TGM2: variants seen among roughly 807,000 people sequenced by gnomAD.
TGM2 encodes protein-glutamine gamma-glutamyltransferase 2.
TGM2 carries 53 observed loss-of-function variants against 75.6 expected under a neutral mutation model. That is an observed-to-expected ratio of 0.70 (90% CI 0.56 to 0.88). The LOEUF (loss-of-function observed/expected upper bound fraction) is 0.88, where lower values mean the gene tolerates loss of function less well. TGM2 is among the 40% of genes least tolerant of loss of function. TGM2 has a pLI of 0.00. For missense variants in TGM2, 842 were observed against 928.5 expected (o/e 0.91, Z 1.21); for synonymous variants, 374 against 381.1 (o/e 0.98, Z 0.22).
chr20:38,143,109 T>C (rs2074996255), intron 6 of TGM2, among the ~76,000 whole-genome samples: 1 of 152,152 alleles, frequency 6.6e-6, no homozygotes, highest in African/African-American at 2.4e-5. Flanking sequence ...TCATTGACTA[T>C]TTTGTCAAAT....
chr20:38,135,666 G>A (rs575897306), intron 10 of TGM2, among the ~76,000 whole-genome samples: 3 of 152,204 alleles, frequency 2.0e-5, no homozygotes, highest in Admixed American at 1.3e-4. Context: ...GATGAGCAGC[G>A]AGGGCCGGGT....
At chr20:38,140,082 G>C (rs2074952430) in intron 8 of TGM2, among the ~76,000 whole-genome samples, 1 of 152,268 alleles carries the variant, frequency 6.6e-6, no homozygotes, top group Non-Finnish European at 1.5e-5. Context: ...CAACATGTTA[G>C]CAAGGAGGAC....
intron 10 of TGM2, among the ~76,000 whole-genome samples, chr20:38,137,574 A>C (rs983645095): frequency 6.6e-6 from 1 of 152,246 alleles, no homozygotes. Flanking sequence ...TAGGCGGTGC[A>C]GACTCAGCAC....
intron 11 of TGM2, among the ~76,000 whole-genome samples, 184 bp downstream of exon 11, chr20:38,132,156 C>A (rs1198733774): frequency 1.3e-5 from 2 of 152,098 alleles, no homozygotes; most frequent in Non-Finnish European, 2.9e-5. Flanking sequence ...CTAGAGGCTA[C>A]GAGTCCCCAA....
At chr20:38,152,557 G>A (rs1434268195) in intron 3 of TGM2, among the ~76,000 whole-genome samples, 1 of 152,200 alleles carries the variant, frequency 6.6e-6, no homozygotes, top group East Asian at 1.9e-4. Flanking sequence ...TGCCAAGACT[G>A]TGACATCCCC....
Position 38,142,066 on chromosome 20 carries a change from G to A in TGM2, c.993C>T (p.Ile331=), listed in dbSNP as rs1294515737. 1 of 1,614,086 alleles carries A rather than the reference G, an allele frequency of 6.2e-7. No homozygotes were observed. ...TCCCACCCTGGCCCCCACCTCACCA[G>A]ATCATCTCGCTCTTGTCACCCTGGA... ...GEIQGDKSEM[I]WNFHCWVESW... The change falls in exon 7 of 13, where the codon ATC becomes ATT. Residue 331 remains isoleucine, a splice_region_variant and synonymous_variant. Transcript: ENST00000361475.
chr20:38,165,865 C>T (rs2235583), upstream of TGM2, among the ~76,000 whole-genome samples: 244 of 152,114 alleles, frequency 1.6e-3, 7 homozygotes, highest in East Asian at 0.046. Flanking sequence ...AATTCAGATT[C>T]GAATGGCAGA....
At position 38,156,002 on chromosome 20, in the gene TGM2, A is replaced by G. The variant is rs773326279; in HGVS notation, c.278T>C (p.Val93Ala). ...VEEGDWTATV[V>A]DQQDCTLSLQ... Reference sequence around the variant, plus strand: ...CGAGAGGGTGCAGTCTTGCTGGTCCACCACGGTGGCTGTCCAGTCACCCTC... The same window carrying G: ...CGAGAGGGTGCAGTCTTGCTGGTCCGCCACGGTGGCTGTCCAGTCACCCTC... Residue 93 changes from valine to alanine, a missense_variant, in exon 3 of 13, where the codon GTG becomes GCG. Physicochemically the swap from Val to Ala is moderately conservative, Grantham distance 64 (BLOSUM62 0). Transcript: ENST00000361475. The G allele has an allele frequency of 1.2e-6, 2 of 1,613,642 alleles. No homozygotes were observed. Among genetic ancestry groups the G allele is most frequent in the Non-Finnish European group, 1.7e-6 (2 of 1,179,962 alleles).
At position 38,130,166 on chromosome 20, in the gene TGM2, A is replaced by T; in HGVS notation, c.*53T>A. ...GGCATATTTTGCTCACTAGCTTGGG[A>T]TAAGGATTGGGATCAAGGTGGGGGC... is the stretch of plus-strand genomic sequence containing the variant. On this transcript the variant is annotated 3_prime_UTR_variant, in exon 13 of 13. Coordinates refer to ENST00000361475, the MANE Select transcript of TGM2 (RefSeq NM_004613.4). 6.2e-7 allele frequency: 1 copy of T among 1,609,122 alleles called. No homozygotes were observed. Among genetic ancestry groups the T allele is most frequent in the African/African-American group, 1.3e-5 (1 of 75,016 alleles).
rs1199376180 is a variant in TGM2, at chr20:38,149,678, CAAAA to C, written c.552+1257_552+1260del. 3.2e-4 allele frequency among the ~76,000 whole-genome samples: 13 copies of C among 40,440 alleles called. No homozygotes were observed. The East Asian group carries it at 4.2e-3, about 13-fold the overall frequency. 26.5% of individuals were successfully genotyped at this position (40,440 alleles called of 152,430 possible). A position where few individuals can be genotyped will look rare whatever the true frequency, so the allele number is the denominator to read the frequency against. On this transcript the variant is annotated intron_variant, in intron 4 of 12. Coordinates refer to ENST00000361475, the MANE Select transcript of TGM2 (RefSeq NM_004613.4). ...TGGGCAACAGAGCGAGACTCCGCCT[CAAAA>C]AAAAAAAAAAAAAAAAAAACAGGAC...
At position 38,131,003 on chromosome 20, in the gene TGM2, G is replaced by A. The variant is rs45541333; in HGVS notation, c.1913+90C>T. The A allele has an allele frequency of 5.5e-3, 8,666 of 1,587,148 alleles. 423 individuals carry two copies. The African/African-American group carries it at 0.1, about 18-fold the overall frequency. On this transcript the variant is annotated intron_variant, in intron 12 of 12. Coordinates refer to ENST00000361475, the MANE Select transcript of TGM2 (RefSeq NM_004613.4). ...GGGAGATGAGAGGAGGGGATTTTCA[G>A]CCAGGGCTTGGTACCTAAGGACAGT...
intron 1 of TGM2, among the ~76,000 whole-genome samples, chr20:38,164,406 C>T (rs925033885): frequency 9.2e-5 from 14 of 152,162 alleles, no homozygotes; most frequent in Non-Finnish European, 2.1e-4. Flanking sequence ...ATCCCTCCAG[C>T]TGGGACCTAC....
At chr20:38,164,858 C>A (rs1424883390) in intron 1 of TGM2, among the ~76,000 whole-genome samples, 1 of 152,210 alleles carries the variant, frequency 6.6e-6, no homozygotes, top group African/African-American at 2.4e-5. Context: ...GCCAGGCCAG[C>A]ACCCCCTGCA....
upstream of TGM2, among the ~76,000 whole-genome samples, chr20:38,167,971 C>A (rs187600620): frequency 1.3e-5 from 2 of 152,324 alleles, no homozygotes; most frequent in East Asian, 1.9e-4. Flanking sequence ...GTCATGAGGA[C>A]TGAGTGAGCT....
At position 38,141,395 on chromosome 20, in the gene TGM2, A is replaced by G. The variant is rs1454492136; in HGVS notation, c.996-10T>C. On this transcript the variant is annotated splice_polypyrimidine_tract_variant and intron_variant, in intron 7 of 12. Transcript: ENST00000361475. ...CCAGCAGTGGAAGTTCCTGAGGGGG[A>G]TAGGGGGGCGGGAATGAAGCAGAAC... The G allele has an allele frequency of 6.4e-7, 1 of 1,562,592 alleles. No individual in the cohort carries two copies. The highest frequency in any genetic ancestry group is 1.9e-5 in the Admixed American group (1 of 52,950).
intron 4 of TGM2, among the ~76,000 whole-genome samples, chr20:38,149,416 G>A (rs528292134): frequency 2.0e-5 from 3 of 152,222 alleles, no homozygotes; most frequent in South Asian, 2.1e-4. Flanking sequence ...GGTGGCTCAC[G>A]CCTGTAATCC....
rs181870343 is a variant in TGM2, at chr20:38,163,210, T to C, written c.11-1611A>G. On this transcript the variant is annotated intron_variant, in intron 1 of 12. Transcript: ENST00000361475. ...CTCATAAACCTTGGCAAGCTCAAGG[T>C]CAGGATGGGGAAGCCCTTAAGGTGG... 1.8e-4 allele frequency among the ~76,000 whole-genome samples: 27 copies of C among 151,854 alleles called. No homozygotes were observed. In the East Asian group the frequency reaches 5.0e-3, roughly 28 times the overall value.
chr20:38,144,490 A>G (rs1299363882), intron 6 of TGM2, among the ~76,000 whole-genome samples: 1 of 152,188 alleles, frequency 6.6e-6, no homozygotes, highest in Non-Finnish European at 1.5e-5. Flanking sequence ...GAGGAAGTAC[A>G]GTGAGGGATC....
intron 3 of TGM2, among the ~76,000 whole-genome samples, chr20:38,154,972 G>A (rs568076438): frequency 6.3e-4 from 96 of 152,348 alleles, no homozygotes; most frequent in African/African-American, 1.2e-3. Flanking sequence ...CAGGCGTGGT[G>A]GCACATGCCT....
Sources: gnomAD v4.1 joint callset for allele counts (sites outside exome capture counted in the v4.1 genomes callset) on GRCh38, gnomAD v4.1.1 for gene constraint, MANE v1.5 for transcripts, NCBI Gene and HGNC (gene_info 2026-07-23, HGNC 2026-07-21) for gene names.